CATSPERT: variants seen among roughly 807,000 people sequenced by gnomAD.
CATSPERT encodes the protein cation channel sperm-associated targeting subunit tau.
chr2:201,490,111 C>T, the CATSPERT span, among the ~76,000 whole-genome samples: 1 of 152,178 alleles, frequency 6.6e-6, no homozygotes, highest in African/African-American at 2.4e-5. Flanking sequence ...CCTGCCTCAG[C>T]CTCCCAAAGT....
the CATSPERT span, chr2:201,582,349 CAAAT>C: frequency 1.1e-6 from 1 of 873,920 alleles, no homozygotes; most frequent in Non-Finnish European, 1.6e-6. Context: ...CTATATTATG[CAAAT>C]AAATATTATT....
chr2:201,542,396 T>C, the CATSPERT span, among the ~76,000 whole-genome samples: 1 of 152,278 alleles, frequency 6.6e-6, no homozygotes. Context: ...AGAAGTGAAA[T>C]GGCAGGATCA....
At chr2:201,558,225 G>A in the CATSPERT span, 1 of 152,146 alleles carries the variant, frequency 6.6e-6, no homozygotes, top group Non-Finnish European at 1.5e-5. Flanking sequence ...TTTAACAACT[G>A]GTAGCATTTT....
the CATSPERT span, among the ~76,000 whole-genome samples, chr2:201,576,957 A>G: frequency 6.6e-6 from 1 of 152,100 alleles, no homozygotes; most frequent in Non-Finnish European, 1.5e-5. Context: ...TCCCTGCTCA[A>G]TATCTATAGT....
chr2:201,571,415 T>C, the CATSPERT span, among the ~76,000 whole-genome samples: 1 of 152,210 alleles, frequency 6.6e-6, no homozygotes, highest in Non-Finnish European at 1.5e-5. Context: ...TCTATTTTTA[T>C]TGTTGAAATT....
chr2:201,578,671 AT>A, the CATSPERT span, among the ~76,000 whole-genome samples: 1 of 152,184 alleles, frequency 6.6e-6, no homozygotes, highest in Non-Finnish European at 1.5e-5. Flanking sequence ...TGATTTCTGA[AT>A]TTTAAAAAAT....
At chr2:201,556,323 C>A in the CATSPERT span, among the ~76,000 whole-genome samples, 1 of 151,844 alleles carries the variant, frequency 6.6e-6, no homozygotes, top group African/African-American at 2.4e-5. Context: ...TCCTGGCTAA[C>A]ACGGTGAAAC....
At chr2:201,567,840 G>A in the CATSPERT span, among the ~76,000 whole-genome samples, 2 of 152,126 alleles carry the variant, frequency 1.3e-5, no homozygotes, top group Non-Finnish European at 1.5e-5. Flanking sequence ...TATGGCTGCC[G>A]CTAACACGTC....
the CATSPERT span, among the ~76,000 whole-genome samples, chr2:201,507,849 T>G: frequency 6.6e-6 from 1 of 152,024 alleles, no homozygotes; most frequent in African/African-American, 2.4e-5. Flanking sequence ...AAGGCCTTCT[T>G]CACATGGTGG....
At chr2:201,530,250 G>A in the CATSPERT span, among the ~76,000 whole-genome samples, 1 of 151,812 alleles carries the variant, frequency 6.6e-6, no homozygotes, top group Non-Finnish European at 1.5e-5. Flanking sequence ...CCTACTTCTG[G>A]GTATATATCC....
At chr2:201,613,905 G>A in the CATSPERT span, among the ~76,000 whole-genome samples, 1 of 152,214 alleles carries the variant, frequency 6.6e-6, no homozygotes, top group East Asian at 1.9e-4. Context: ...AGAACTATGT[G>A]ACGCATGCAC....
At chr2:201,515,207 T>TAG in the CATSPERT span, among the ~76,000 whole-genome samples, 1 of 9,614 alleles carries the variant, frequency 1.0e-4, no homozygotes, top group Admixed American at 9.4e-4. Flanking sequence ...CCATAGTTTT[T>TAG]TTTTTTTTTT....
At chr2:201,489,787 C>T in the CATSPERT span, among the ~76,000 whole-genome samples, 16 of 151,978 alleles carry the variant, frequency 1.1e-4, no homozygotes, top group Non-Finnish European at 2.2e-4. Context: ...ATTAAAAATC[C>T]CTTCCATTCC....
chr2:201,510,219 T>C, the CATSPERT span, among the ~76,000 whole-genome samples: 1 of 150,444 alleles, frequency 6.6e-6, no homozygotes, highest in Non-Finnish European at 1.5e-5. Context: ...CAAGGTGGGC[T>C]GATCACCTGA....
chr2:201,586,630 C>T, the CATSPERT span, among the ~76,000 whole-genome samples: 1 of 151,882 alleles, frequency 6.6e-6, no homozygotes, highest in African/African-American at 2.4e-5. Flanking sequence ...ATATAATATT[C>T]TATTTCATCA....
the CATSPERT span, chr2:201,552,824 C>T: frequency 1.3e-5 from 2 of 152,306 alleles, no homozygotes; most frequent in Middle Eastern, 3.4e-3. Context: ...CCAATTCAAG[C>T]TTATGATTCC....
chr2:201,564,944 AAT>A, the CATSPERT span, among the ~76,000 whole-genome samples: 1 of 152,188 alleles, frequency 6.6e-6, no homozygotes, highest in East Asian at 1.9e-4. Flanking sequence ...AAACTATAAA[AAT>A]GAAGGGAAAT....
At chr2:201,491,195 G>C in the CATSPERT span, 4 of 1,534,786 alleles carry the variant, frequency 2.6e-6, no homozygotes, top group Non-Finnish European at 3.5e-6. Flanking sequence ...GCAGTCCAGT[G>C]AAGCAGTGTC....
the CATSPERT span, among the ~76,000 whole-genome samples, chr2:201,505,332 C>T: frequency 7.2e-5 from 11 of 152,094 alleles, no homozygotes; most frequent in African/African-American, 1.7e-4. Context: ...CTGCCCACCT[C>T]GGCCTCCCAA....
Sources: gnomAD v4.1 joint callset for allele counts (sites outside exome capture counted in the v4.1 genomes callset) on GRCh38, gnomAD v4.1.1 for gene constraint, MANE v1.5 for transcripts, NCBI Gene and HGNC (gene_info 2026-07-23, HGNC 2026-07-21) for gene names.